SMYD4: variants seen among roughly 807,000 people sequenced by gnomAD.
SMYD4 encodes the protein protein-lysine N-methyltransferase SMYD4.
A neutral mutation model predicts 72.8 loss-of-function variants in SMYD4; 68 were observed. The observed-to-expected ratio is 0.93, with a 90% CI of 0.77 to 1.14. The LOEUF (loss-of-function observed/expected upper bound fraction) is 1.14, where lower values mean the gene tolerates loss of function less well. Among genes scored for constraint, SMYD4 ranks in the 50% most tolerant of loss-of-function variants. The pLI is 0.00. For missense variants in SMYD4, 984 were observed against 1,003.7 expected, an observed-to-expected ratio of 0.98 and a Z score of 0.27; for synonymous variants, 407 against 388.6, an observed-to-expected ratio of 1.05 and a Z score of -0.56.
intron 1 of SMYD4, 149 bp downstream of exon 1, chr17:1,829,577 A>ACCCCCAC: frequency 9.8e-6 from 1 of 101,538 alleles, no homozygotes; most frequent in East Asian, 3.0e-4. Flanking sequence ...GAGACCCCCC[A>ACCCCCAC]CCCCCACCCC....
At chr17:1,785,439 G>GAAAAAAAAAAAA (rs56261871) in intron 7 of SMYD4, among the ~76,000 whole-genome samples, 1 of 124,552 alleles carries the variant, frequency 8.0e-6, no homozygotes, top group Non-Finnish European at 1.7e-5. Flanking sequence ...AAAAGAAAAA[G>GAAAAAAAAAAAA]AAAAAAAAAA....
chr17:1,809,540 A>G (rs1350827896), intron 3 of SMYD4, among the ~76,000 whole-genome samples: 1 of 149,392 alleles, frequency 6.7e-6, no homozygotes, highest in Non-Finnish European at 1.5e-5. Context: ...ACGCCCAGCT[A>G]ATTTTTTTGT....
At chr17:1,818,199 T>C (rs935697348) in intron 2 of SMYD4, among the ~76,000 whole-genome samples, 1 of 152,160 alleles carries the variant, frequency 6.6e-6, no homozygotes. Context: ...ACACATTTTT[T>C]CTTTCTCCAG....
intron 2 of SMYD4, among the ~76,000 whole-genome samples, chr17:1,818,712 T>A (rs1360296771): frequency 1.3e-5 from 2 of 152,062 alleles, no homozygotes; most frequent in Non-Finnish European, 2.9e-5. Flanking sequence ...CAGGCTGGAG[T>A]GCAGTGGTAC....
At chr17:1,799,773 A>T in intron 5 of SMYD4, 84 bp downstream of exon 5, 1 of 1,330,742 alleles carries the variant, frequency 7.5e-7, no homozygotes, top group Non-Finnish European at 1.0e-6. Context: ...TTTGAATCCT[A>T]TTTTCCTTTG....
chr17:1,813,489 C>A lies in SMYD4; in HGVS notation c.135-1374G>T, dbSNP rs558564765. On this transcript the variant is annotated intron_variant, in intron 2 of 10. Coordinates refer to ENST00000305513, the MANE Select transcript of SMYD4 (RefSeq NM_052928.3). ...CTGTAGTGCAGCACTGGCACGATCT[C>A]GGCTCACTGCAACCTCCGCCTCCTG... 2.6e-5 allele frequency among the ~76,000 whole-genome samples: 4 copies of A among 152,228 alleles called. No homozygotes were observed. The East Asian group carries it at 7.7e-4, about 29-fold the overall frequency.
intron 2 of SMYD4, among the ~76,000 whole-genome samples, chr17:1,822,761 G>A (rs1014688407): frequency 6.6e-6 from 1 of 152,078 alleles, no homozygotes; most frequent in Non-Finnish European, 1.5e-5. Flanking sequence ...CACTGCACCC[G>A]GTCAGATGAT....
At chr17:1,823,423 T>A (rs573439343) in intron 2 of SMYD4, among the ~76,000 whole-genome samples, 26 of 145,296 alleles carry the variant, frequency 1.8e-4, no homozygotes, top group African/African-American at 5.6e-4. Flanking sequence ...AAAAAAGAAC[T>A]TGACAAGCCA....
chr17:1,816,029 C>T (rs1033606454), intron 2 of SMYD4, among the ~76,000 whole-genome samples: 1 of 152,038 alleles, frequency 6.6e-6, no homozygotes, highest in African/African-American at 2.4e-5. Context: ...GCATACAGTT[C>T]ACTGGCATTA....
intron 3 of SMYD4, among the ~76,000 whole-genome samples, chr17:1,807,144 T>A (rs1472062651): frequency 6.6e-6 from 1 of 151,790 alleles, no homozygotes; most frequent in Non-Finnish European, 1.5e-5. Context: ...CCCGTCTCGG[T>A]CTCCCAAAGT....
At chr17:1,810,520 G>A (rs9895439) in intron 3 of SMYD4, among the ~76,000 whole-genome samples, 24,372 of 151,796 alleles carry the variant, frequency 0.16, 2,831 homozygotes, top group African/African-American at 0.33. Context: ...CGGGCTCAGT[G>A]ACCCTCCTGC....
intron 2 of SMYD4, among the ~76,000 whole-genome samples, chr17:1,820,471 C>A (rs984257724): frequency 7.2e-5 from 11 of 152,188 alleles, no homozygotes; most frequent in Non-Finnish European, 1.6e-4. Flanking sequence ...AACTCCTGGG[C>A]TCCAGCGATC....
chr17:1,819,510 A>T (rs1167934960), intron 2 of SMYD4, among the ~76,000 whole-genome samples: 4 of 152,136 alleles, frequency 2.6e-5, no homozygotes, highest in African/African-American at 9.7e-5. Context: ...CAATGTAAAG[A>T]CACCTTTCCC....
chr17:1,789,592 C>T (rs533357748), intron 5 of SMYD4, among the ~76,000 whole-genome samples: 18 of 151,832 alleles, frequency 1.2e-4, no homozygotes, highest in African/African-American at 2.7e-4. Context: ...GGTGAACCCT[C>T]GTCTCTACCA....
chr17:1,794,105 A>ATATATTTTTTTTT lies in SMYD4; in HGVS notation c.1537+5751_1537+5752insAAAAAAAAATATA, dbSNP rs1291818005. Among the ~76,000 whole-genome samples the ATATATTTTTTTTT allele has an allele frequency of 2.3e-4, 3 of 12,992 alleles. 1 individual carries two copies. The highest frequency in any genetic ancestry group is 4.1e-4 in the Non-Finnish European group (3 of 7,264). 8.5% of individuals were successfully genotyped at this position (12,992 alleles called of 152,430 possible). On this transcript the variant is annotated intron_variant, in intron 5 of 10. Transcript: ENST00000305513. Reference sequence around the variant, plus strand: ...TGTATATATATATATATATATATATATTTTTTTTTTTTTTTTTTTTTTGAG... The same window carrying ATATATTTTTTTTT: ...TGTATATATATATATATATATATATATATATTTTTTTTTTTTTTTTTTTTTTTTTTTTTTTGAG...
intron 5 of SMYD4, 147 bp downstream of exon 5, chr17:1,799,710 G>T: frequency 1.3e-6 from 1 of 789,540 alleles, no homozygotes; most frequent in Non-Finnish European, 1.9e-6. Context: ...CTTCTTAATG[G>T]CATTGTGACA....
chr17:1,784,833 G>A (rs944143139), intron 7 of SMYD4, among the ~76,000 whole-genome samples: 1 of 151,802 alleles, frequency 6.6e-6, no homozygotes, highest in Non-Finnish European at 1.5e-5. Context: ...GCAGTGGTGC[G>A]ATCTCGGCTC....
chr17:1,815,888 C>T (rs770861491), intron 2 of SMYD4, among the ~76,000 whole-genome samples: 1 of 151,630 alleles, frequency 6.6e-6, no homozygotes, highest in Non-Finnish European at 1.5e-5. Context: ...TTAGGAGAGA[C>T]GGGGTTTCAC....
intron 2 of SMYD4, among the ~76,000 whole-genome samples, chr17:1,821,324 G>C (rs1451095791): frequency 6.6e-6 from 1 of 152,078 alleles, no homozygotes; most frequent in African/African-American, 2.4e-5. Context: ...AGACCAGCCT[G>C]ACCAATATGG....
Sources: gnomAD v4.1 joint callset for allele counts (sites outside exome capture counted in the v4.1 genomes callset) on GRCh38, gnomAD v4.1.1 for gene constraint, MANE v1.5 for transcripts, NCBI Gene and HGNC (gene_info 2026-07-23, HGNC 2026-07-21) for gene names.